Variants in KCNMA1 observed in about 807,000 individuals in gnomAD.
The protein encoded by KCNMA1 is potassium calcium-activated channel subfamily M alpha 1, also known as Calcium-activated potassium channel subunit alpha-1.
Under a neutral mutation model 140.0 loss-of-function variants are expected in KCNMA1, and 29 were observed. The observed-to-expected ratio is 0.21, with a 90% CI of 0.15 to 0.28. The LOEUF (loss-of-function observed/expected upper bound fraction) is 0.28, where lower values mean the gene tolerates loss of function less well. KCNMA1 is among the 10% of genes least tolerant of loss of function. KCNMA1 has a pLI of 1.00. For missense variants in KCNMA1, 880 were observed against 1,602.2 expected (o/e 0.55, Z 7.70); for synonymous variants, 612 against 611.9 (o/e 1.00, Z 0.00).
intron 14 of KCNMA1, among the ~76,000 whole-genome samples, chr10:77,066,173 T>C (rs1486126979): frequency 2.0e-5 from 3 of 152,024 alleles, no homozygotes; most frequent in East Asian, 1.9e-4. Flanking sequence ...GAAGATAGAT[T>C]GGAGGTGGGG....
At chr10:77,324,843 C>T (rs2083420366) in intron 2 of KCNMA1, among the ~76,000 whole-genome samples, 1 of 152,064 alleles carries the variant, frequency 6.6e-6, no homozygotes. Flanking sequence ...GTCCCCTTTC[C>T]AAACCTCCAA....
chr10:77,604,489 G>T (rs2083697000), intron 1 of KCNMA1, among the ~76,000 whole-genome samples: 1 of 152,130 alleles, frequency 6.6e-6, no homozygotes, highest in Non-Finnish European at 1.5e-5. Flanking sequence ...AGGATCACTT[G>T]AGGCCAGCAG....
In KCNMA1 at chr10:77,559,241, A is replaced by C. The variant is rs558887994; in HGVS notation, c.378+78024T>G. Among the ~76,000 whole-genome samples, 3 of 152,194 alleles carry C rather than the reference A, an allele frequency of 2.0e-5. No individual in the cohort carries two copies. The South Asian group carries it at 6.2e-4, about 32-fold the overall frequency. The stretch of plus-strand genomic sequence containing the variant: ...TCCCTACCAGGGTGAAAATATTGAA[A>C]TCCTTTTTACATGGTGGTAAGTAGC... On this transcript the variant is annotated intron_variant, in intron 1 of 27. Coordinates refer to ENST00000286628, the MANE Select transcript of KCNMA1 (RefSeq NM_001161352.2).
intron 23 of KCNMA1, among the ~76,000 whole-genome samples, chr10:76,920,697 C>T (rs2055391252): frequency 6.6e-6 from 1 of 152,200 alleles, no homozygotes; most frequent in Admixed American, 6.5e-5. Flanking sequence ...TGGTAAGTGT[C>T]CCTGGGAGCC....
At chr10:77,119,212 A>G (rs1051533451) in intron 6 of KCNMA1, among the ~76,000 whole-genome samples, 25 of 152,248 alleles carry the variant, frequency 1.6e-4, no homozygotes, top group Non-Finnish European at 3.4e-4. Flanking sequence ...CAAAGGAAAG[A>G]GAGGTGAGTG....
chr10:77,477,595 G>A (rs1295199723), intron 1 of KCNMA1, among the ~76,000 whole-genome samples: 1 of 152,208 alleles, frequency 6.6e-6, no homozygotes, highest in Non-Finnish European at 1.5e-5. Context: ...CATCCTGATA[G>A]ATTATGGATG....
chr10:77,556,685 G>A (rs929730243), intron 1 of KCNMA1, among the ~76,000 whole-genome samples: 2 of 152,034 alleles, frequency 1.3e-5, no homozygotes, highest in East Asian at 3.9e-4. Context: ...ACCCAGAACT[G>A]AGGATCAAGA....
intron 19 of KCNMA1, among the ~76,000 whole-genome samples, chr10:76,996,522 G>A (rs1243026299): frequency 6.6e-6 from 1 of 152,138 alleles, no homozygotes; most frequent in Non-Finnish European, 1.5e-5. Context: ...AAATCAAGAC[G>A]CATGGGCCAG....
intron 19 of KCNMA1, among the ~76,000 whole-genome samples, chr10:76,984,201 C>CTTT (rs11369702): frequency 9.4e-5 from 14 of 149,218 alleles, no homozygotes; most frequent in Admixed American, 3.3e-4. Context: ...TTATTATTTA[C>CTTT]TTTTTTTTTT....
intron 15 of KCNMA1, among the ~76,000 whole-genome samples, chr10:77,028,314 C>T (rs573868917): frequency 3.3e-5 from 5 of 152,186 alleles, no homozygotes; most frequent in Admixed American, 6.5e-5. Flanking sequence ...ATTGTTGTTC[C>T]GAGCAGACCC....
intron 1 of KCNMA1, among the ~76,000 whole-genome samples, chr10:77,471,826 C>T (rs913550393): frequency 1.3e-5 from 2 of 151,758 alleles, no homozygotes; most frequent in African/African-American, 2.4e-5. Flanking sequence ...ATACTATACA[C>T]ACATTATACA....
intron 15 of KCNMA1, among the ~76,000 whole-genome samples, chr10:77,034,294 T>G (rs923969672): frequency 2.0e-5 from 3 of 151,618 alleles, no homozygotes; most frequent in Admixed American, 6.6e-5. Flanking sequence ...ATAAATTCAC[T>G]TAAAATGCTC....
At chr10:77,013,016 A>G (rs1469285622) in intron 17 of KCNMA1, among the ~76,000 whole-genome samples, 1 of 152,204 alleles carries the variant, frequency 6.6e-6, no homozygotes, top group Non-Finnish European at 1.5e-5. Context: ...GGATCCAAGA[A>G]CTAACAAAAT....
At chr10:77,628,233 C>T (rs758613571) in intron 1 of KCNMA1, among the ~76,000 whole-genome samples, 7 of 152,210 alleles carry the variant, frequency 4.6e-5, no homozygotes, top group African/African-American at 7.2e-5. Context: ...TGAATAGTTT[C>T]GTACAGTTAG....
At chr10:77,426,371 A>C (rs569073945) in intron 1 of KCNMA1, among the ~76,000 whole-genome samples, 1 of 152,276 alleles carries the variant, frequency 6.6e-6, no homozygotes, top group South Asian at 2.1e-4. Flanking sequence ...GCACTCCCTA[A>C]ATAGTAACTC....
At chr10:77,085,958 C>G (rs2096681138) in intron 11 of KCNMA1, among the ~76,000 whole-genome samples, 1 of 152,138 alleles carries the variant, frequency 6.6e-6, no homozygotes, top group Non-Finnish European at 1.5e-5. Flanking sequence ...AAGATTCGCC[C>G]ATTATCAATG....
chr10:77,102,235 T>A (rs1364151505), intron 9 of KCNMA1, among the ~76,000 whole-genome samples: 2 of 152,150 alleles, frequency 1.3e-5, no homozygotes, highest in Non-Finnish European at 2.9e-5. Context: ...AAATAAATGA[T>A]CCATGCTCTG....
chr10:77,598,831 C>T (rs1033648446), intron 1 of KCNMA1, among the ~76,000 whole-genome samples: 2 of 152,212 alleles, frequency 1.3e-5, no homozygotes, highest in African/African-American at 4.8e-5. Context: ...AGAGTAGATG[C>T]TAACCCAAAT....
intron 1 of KCNMA1, among the ~76,000 whole-genome samples, chr10:77,488,126 G>A (rs1205447380): frequency 1.3e-5 from 2 of 152,178 alleles, no homozygotes; most frequent in African/African-American, 4.8e-5. Context: ...GTGGCCCAAC[G>A]ATGTCGACAA....
Sources: allele counts gnomAD v4.1 joint callset (sites outside exome capture counted in the v4.1 genomes callset), GRCh38; gene constraint gnomAD v4.1.1; transcripts MANE v1.5; gene names NCBI Gene and HGNC (gene_info 2026-07-23, HGNC 2026-07-21).